The following CLDN10 variants were observed in gnomAD, a reference collection of about 807,000 sequenced individuals.
The protein encoded by CLDN10 is claudin-10.
Under a neutral mutation model 22.9 loss-of-function variants are expected in CLDN10, and 15 were observed. That is an observed-to-expected ratio of 0.65 (90% CI 0.44 to 1.01). The LOEUF is 1.01. Among genes scored for constraint, CLDN10 ranks in the 50% least tolerant of loss-of-function variants. CLDN10 has a pLI of 0.00. For synonymous variants in CLDN10, 114 were observed against 111.4 expected (o/e 1.02, Z -0.15); for missense variants, 247 against 287.8 (o/e 0.86, Z 1.03).
chr13:95,551,041 C>T (rs1051236366), upstream of CLDN10, among the ~76,000 whole-genome samples: 9 of 151,918 alleles, frequency 5.9e-5, no homozygotes, highest in Admixed American at 5.9e-4. Context: ...TACATCAGGA[C>T]AAGCTGGGGT....
chr13:95,471,384 CAT>C lies in CLDN10; in HGVS notation c.214+37339_214+37340del, dbSNP rs1292911022. Among the ~76,000 whole-genome samples the C allele has an allele frequency of 8.3e-5, 11 of 132,792 alleles. 1 individual carries two copies. 87.1% of individuals were successfully genotyped at this position (132,792 alleles called of 152,430 possible). On this transcript the variant is annotated intron_variant, in intron 1 of 4. Transcript: ENST00000376873. ...TGTGTGTGTGTGTGTATATATATAA[CAT>C]ACACACACATGTATATATACACACA...
chr13:95,512,130 TG>T lies in CLDN10; in HGVS notation c.215-48000del, dbSNP rs1566309731. Among the ~76,000 whole-genome samples, 129 of 82,430 alleles carry T rather than the reference TG, an allele frequency of 1.6e-3. 1 individual carries two copies. The highest frequency in any genetic ancestry group is 2.4e-3 in the Non-Finnish European group (88 of 36,982). 54.1% of individuals were successfully genotyped at this position (82,430 alleles called of 152,430 possible). A position where few individuals can be genotyped will look rare whatever the true frequency, so the allele number is the denominator to read the frequency against. On this transcript the variant is annotated intron_variant, in intron 1 of 4. Coordinates refer to the CLDN10 transcript ENST00000376873. ...ACAAAGATCGTCTCTCCTTTTTTTTTGGTTTTTGTTTGTTTGTGTTCTGTTT... is the reference window on the plus strand; with the variant it reads ...ACAAAGATCGTCTCTCCTTTTTTTTTGTTTTTGTTTGTTTGTGTTCTGTTT...
chr13:95,465,107 C>T (rs1285911856), intron 1 of CLDN10, among the ~76,000 whole-genome samples: 1 of 152,154 alleles, frequency 6.6e-6, no homozygotes, highest in African/African-American at 2.4e-5. Context: ...GGAGGCCTCA[C>T]AATCATGGCA....
At chr13:95,571,207 TTA>T (rs1416216756) in intron 3 of CLDN10, among the ~76,000 whole-genome samples, 1 of 152,002 alleles carries the variant, frequency 6.6e-6, no homozygotes, top group Non-Finnish European at 1.5e-5. Context: ...TATATACAAT[TTA>T]TAGAATTCTG....
At chr13:95,571,845 C>T (rs1477270016) in intron 3 of CLDN10, among the ~76,000 whole-genome samples, 1 of 151,872 alleles carries the variant, frequency 6.6e-6, no homozygotes, top group African/African-American at 2.4e-5. Flanking sequence ...TGTAAAAAAA[C>T]CTATGTAGTT....
chr13:95,492,463 A>C (rs1329907911), intron 1 of CLDN10, among the ~76,000 whole-genome samples: 1 of 152,058 alleles, frequency 6.6e-6, no homozygotes, highest in Non-Finnish European at 1.5e-5. Flanking sequence ...TGGCAATCAC[A>C]GGCCTCACCC....
At chr13:95,534,488 T>C (rs1324329575) in intron 1 of CLDN10, among the ~76,000 whole-genome samples, 2 of 152,204 alleles carry the variant, frequency 1.3e-5, no homozygotes, top group Non-Finnish European at 2.9e-5. Flanking sequence ...GTAAATATCT[T>C]TTGTTATTTT....
chr13:95,559,026 C>T (rs1357244445), intron 1 of CLDN10, among the ~76,000 whole-genome samples: 1 of 152,182 alleles, frequency 6.6e-6, no homozygotes, highest in Non-Finnish European at 1.5e-5. Context: ...TATCATGGCT[C>T]TGCTTGAACA....
At chr13:95,489,240 C>A (rs372516220) in intron 1 of CLDN10, among the ~76,000 whole-genome samples, 1 of 152,092 alleles carries the variant, frequency 6.6e-6, no homozygotes, top group Non-Finnish European at 1.5e-5. Context: ...TAAGCCACCA[C>A]GCCCGACCCT....
intron 3 of CLDN10, among the ~76,000 whole-genome samples, chr13:95,566,554 T>TAC (rs1484199732): frequency 3.3e-4 from 50 of 152,366 alleles, no homozygotes; most frequent in Admixed American, 3.2e-3. Flanking sequence ...GCAAAAATTT[T>TAC]CTCCCATTCT....
At chr13:95,529,882 GC>G (rs2043322754) in intron 1 of CLDN10, among the ~76,000 whole-genome samples, 1 of 152,068 alleles carries the variant, frequency 6.6e-6, no homozygotes. Context: ...AGTTGGTACT[GC>G]TTTTTAATAA....
intron 1 of CLDN10, among the ~76,000 whole-genome samples, chr13:95,535,316 G>A (rs940264462): frequency 6.6e-6 from 1 of 152,102 alleles, no homozygotes; most frequent in Non-Finnish European, 1.5e-5. Flanking sequence ...CCCTGGGGCA[G>A]GAAGACCAGT....
At chr13:95,488,950 CTTTTT>C (rs58919737) in intron 1 of CLDN10, among the ~76,000 whole-genome samples, 1 of 110,750 alleles carries the variant, frequency 9.0e-6, no homozygotes, top group Non-Finnish European at 1.7e-5. Context: ...ACTTTTTGTT[CTTTTT>C]TTTTTTTTTT....
intron 1 of CLDN10, among the ~76,000 whole-genome samples, chr13:95,521,293 A>G (rs1016099596): frequency 3.9e-5 from 6 of 152,240 alleles, no homozygotes; most frequent in African/African-American, 7.2e-5. Context: ...TGTTTTATCA[A>G]TAAGTATAAG....
chr13:95,476,477 G>T (rs867334034), intron 1 of CLDN10, among the ~76,000 whole-genome samples: 1 of 152,154 alleles, frequency 6.6e-6, no homozygotes, highest in Non-Finnish European at 1.5e-5. Context: ...ATTAATGGGG[G>T]CTCCACCCTC....
At chr13:95,489,332 C>A (rs992636925) in intron 1 of CLDN10, among the ~76,000 whole-genome samples, 1 of 152,102 alleles carries the variant, frequency 6.6e-6, no homozygotes, top group Non-Finnish European at 1.5e-5. Flanking sequence ...AGTTTACATT[C>A]CCACCAGCAA....
rs1010120097 is a variant in CLDN10, at chr13:95,442,930, A to G, written c.214+8883A>G. ...ATCATGAGCAGCTGTCACAATCATAAGTTAGCCGTCATGTTATTCATTGAT... is the reference window on the plus strand; with the variant it reads ...ATCATGAGCAGCTGTCACAATCATAGGTTAGCCGTCATGTTATTCATTGAT... On this transcript the variant is annotated intron_variant, in intron 1 of 4. Transcript: ENST00000376873. Among the ~76,000 whole-genome samples, 3 of 152,238 alleles carry G rather than the reference A, an allele frequency of 2.0e-5. No homozygotes were observed. In the East Asian group the frequency reaches 5.8e-4, roughly 29 times the overall value.
intron 1 of CLDN10, among the ~76,000 whole-genome samples, chr13:95,485,703 G>T (rs1471182647): frequency 2.6e-5 from 4 of 152,152 alleles, no homozygotes; most frequent in African/African-American, 4.8e-5. Flanking sequence ...GGCATACTCA[G>T]CTGTATGTTT....
At chr13:95,571,853 G>T (rs1213553830) in intron 3 of CLDN10, among the ~76,000 whole-genome samples, 1 of 152,118 alleles carries the variant, frequency 6.6e-6, no homozygotes. Context: ...AACCTATGTA[G>T]TTATTTTAAG....
Sources: gnomAD v4.1 joint callset for allele counts (sites outside exome capture counted in the v4.1 genomes callset) on GRCh38, gnomAD v4.1.1 for gene constraint, MANE v1.5 for transcripts, NCBI Gene and HGNC (gene_info 2026-07-23, HGNC 2026-07-21) for gene names.